NCALD: variants seen among roughly 807,000 people sequenced by gnomAD.
NCALD encodes neurocalcin delta, also known as neurocalcin-delta.
NCALD carries 10 observed loss-of-function variants against 18.6 expected under a neutral mutation model. That is an observed-to-expected ratio of 0.54 (90% CI 0.33 to 0.91). The LOEUF is 0.91. NCALD is among the 40% of genes least tolerant of loss of function. The probability of loss-of-function intolerance (pLI) is 0.03; values close to 1 mark genes in which losing one functional copy is unlikely to be tolerated. For synonymous variants in NCALD, 88 were observed against 87.4 expected, an observed-to-expected ratio of 1.01 and a Z score of -0.04; for missense variants, 184 against 247.6, an observed-to-expected ratio of 0.74 and a Z score of 1.72.
chr8:102,104,416 C>T (rs1823351469), intron 1 of NCALD, among the ~76,000 whole-genome samples: 1 of 152,044 alleles, frequency 6.6e-6, no homozygotes, highest in East Asian at 1.9e-4. Flanking sequence ...AAAGACAAAA[C>T]CATCCTGTGA....
At chr8:101,887,676 AAT>A (rs1816724090) in intron 3 of NCALD, among the ~76,000 whole-genome samples, 1 of 151,084 alleles carries the variant, frequency 6.6e-6, no homozygotes, top group African/African-American at 2.4e-5. Context: ...TTAAAAGAAT[AAT>A]ATGTTAAAAT....
intron 1 of NCALD, among the ~76,000 whole-genome samples, chr8:102,100,162 A>G (rs1213498427): frequency 6.6e-6 from 1 of 152,188 alleles, no homozygotes; most frequent in African/African-American, 2.4e-5. Flanking sequence ...TTCCTCATTT[A>G]TCAACACTTA....
chr8:101,933,670 A>G (rs1411131858), intron 2 of NCALD, among the ~76,000 whole-genome samples: 2 of 152,034 alleles, frequency 1.3e-5, no homozygotes, highest in Non-Finnish European at 2.9e-5. Context: ...CAACCTACAC[A>G]TTATATTCAA....
intron 4 of NCALD, among the ~76,000 whole-genome samples, chr8:101,870,286 C>T (rs974595847): frequency 6.6e-5 from 10 of 152,134 alleles, no homozygotes; most frequent in African/African-American, 2.4e-4. Flanking sequence ...ACGAGTATTT[C>T]AGAGAATGGA....
intron 1 of NCALD, among the ~76,000 whole-genome samples, chr8:101,767,815 G>C (rs1171506333): frequency 6.6e-6 from 1 of 152,324 alleles, no homozygotes; most frequent in East Asian, 1.9e-4. Context: ...GGCTTTGCCT[G>C]TGGCCTGACC....
At chr8:101,773,989 C>T (rs1473527584) in intron 1 of NCALD, among the ~76,000 whole-genome samples, 1 of 152,156 alleles carries the variant, frequency 6.6e-6, no homozygotes, top group African/African-American at 2.4e-5. Flanking sequence ...ATTCAGTGGT[C>T]ATGGAGTACC....
chr8:101,960,529 C>T (rs1298022902), intron 2 of NCALD, among the ~76,000 whole-genome samples: 2 of 152,138 alleles, frequency 1.3e-5, no homozygotes, highest in Non-Finnish European at 2.9e-5. Flanking sequence ...ATGGAAACAG[C>T]TCAGCATGGG....
chr8:101,965,816 A>G (rs1199907044), intron 2 of NCALD, among the ~76,000 whole-genome samples: 1 of 152,198 alleles, frequency 6.6e-6, no homozygotes, highest in African/African-American at 2.4e-5. Context: ...AAGTAAAAAC[A>G]CTTATTTTTG....
intron 3 of NCALD, chr8:101,691,785 C>T (rs1814737249): frequency 2.0e-6 from 2 of 985,210 alleles, no homozygotes; most frequent in African/African-American, 3.5e-5. Context: ...GAGACAGAGG[C>T]TCTCTGTACT....
At chr8:102,093,502 CAAAT>C (rs1207784391) in intron 1 of NCALD, among the ~76,000 whole-genome samples, 3 of 152,148 alleles carry the variant, frequency 2.0e-5, no homozygotes, top group Non-Finnish European at 2.9e-5. Context: ...GATTAAAAAA[CAAAT>C]AAAGCAAAAA....
intron 1 of NCALD, among the ~76,000 whole-genome samples, chr8:101,786,915 T>G (rs1374992070): frequency 6.6e-6 from 1 of 152,196 alleles, no homozygotes; most frequent in Non-Finnish European, 1.5e-5. Flanking sequence ...AAGGCACTTA[T>G]GAAAATACAT....
intron 2 of NCALD, among the ~76,000 whole-genome samples, chr8:101,999,363 T>A (rs1388783841): frequency 6.6e-6 from 1 of 152,186 alleles, no homozygotes; most frequent in Non-Finnish European, 1.5e-5. Context: ...AGTAATGGCA[T>A]TCACAGCAAC....
intron 4 of NCALD, among the ~76,000 whole-genome samples, chr8:101,864,593 C>CTT (rs34516996): frequency 0.23 from 31,108 of 136,728 alleles, 3,741 homozygotes; most frequent in East Asian, 0.37. Context: ...TCTTTCCTTT[C>CTT]TTTTTTTTTT....
At chr8:102,123,145 C>T (rs1825991791) in intron 1 of NCALD, among the ~76,000 whole-genome samples, 2 of 152,334 alleles carry the variant, frequency 1.3e-5, no homozygotes, top group Non-Finnish European at 2.9e-5. Flanking sequence ...AAACTCTGCT[C>T]TTGGTAATAC....
intron 2 of NCALD, among the ~76,000 whole-genome samples, chr8:101,718,980 A>G (rs916394825): frequency 3.8e-4 from 58 of 152,226 alleles, no homozygotes; most frequent in African/African-American, 1.1e-3. Flanking sequence ...AACTCTTACA[A>G]CCAATTGCCA....
chr8:101,806,832 A>C (rs1176450324), intron 4 of NCALD, among the ~76,000 whole-genome samples: 1 of 151,918 alleles, frequency 6.6e-6, no homozygotes, highest in Non-Finnish European at 1.5e-5. Flanking sequence ...CAGGATAAAC[A>C]CAAATAGATC....
chr8:101,962,232 T>C (rs1002107587), intron 2 of NCALD, among the ~76,000 whole-genome samples: 2 of 152,228 alleles, frequency 1.3e-5, no homozygotes, highest in Non-Finnish European at 2.9e-5. Context: ...CAATGCAATG[T>C]GTCTTATAGA....
At chr8:101,856,771 G>A (rs16868558) in intron 4 of NCALD, among the ~76,000 whole-genome samples, 2,383 of 152,170 alleles carry the variant, frequency 0.016, 72 homozygotes, top group African/African-American at 0.052. Context: ...GCCAGATCCA[G>A]TCCTCAAACA....
intron 4 of NCALD, among the ~76,000 whole-genome samples, chr8:101,854,351 G>C (rs1470091184): frequency 6.6e-6 from 1 of 152,040 alleles, no homozygotes; most frequent in Non-Finnish European, 1.5e-5. Context: ...CTTTCAAACT[G>C]GTTTTAATTT....
Sources: gnomAD v4.1 joint callset for allele counts (sites outside exome capture counted in the v4.1 genomes callset) on GRCh38, gnomAD v4.1.1 for gene constraint, MANE v1.5 for transcripts, NCBI Gene and HGNC (gene_info 2026-07-23, HGNC 2026-07-21) for gene names.